The following SOD2 variants were observed in gnomAD, a reference collection of about 807,000 sequenced individuals.
SOD2 encodes superoxide dismutase [Mn], mitochondrial.
In SOD2, 11 loss-of-function variants were observed where a neutral mutation model predicts 27.0. That is an observed-to-expected ratio of 0.41 (90% CI 0.26 to 0.67). The LOEUF (loss-of-function observed/expected upper bound fraction) is 0.67, where lower values mean the gene tolerates loss of function less well. Ranked by LOEUF, SOD2 falls within the 30% of genes least tolerant of loss-of-function variation. The pLI, the probability that SOD2 is intolerant of heterozygous loss-of-function variation, is 0.34. For synonymous variants in SOD2, 105 were observed against 103.0 expected (o/e 1.02, Z -0.12); for missense variants, 250 against 274.5 (o/e 0.91, Z 0.63).
chr6:159,706,192 G>A (rs1490608745), intron 1 of SOD2, among the ~76,000 whole-genome samples: 1 of 152,164 alleles, frequency 6.6e-6, no homozygotes, highest in African/African-American at 2.4e-5. Context: ...ATCGATGCCA[G>A]GAAGAAACTG....
intron 1 of SOD2, chr6:159,736,274 C>T (rs372783310): frequency 1.1e-5 from 18 of 1,601,628 alleles, no homozygotes; most frequent in African/African-American, 4.0e-5. Flanking sequence ...AGATGACCAA[C>T]GAAGAACCTC....
intron 1 of SOD2, chr6:159,726,652 T>C: frequency 1.5e-6 from 1 of 664,030 alleles, no homozygotes; most frequent in Non-Finnish European, 2.2e-6. Context: ...TCACTAAACC[T>C]CACAGGGCCG....
chr6:159,738,095 C>T (rs556605389), intron 1 of SOD2, among the ~76,000 whole-genome samples: 1 of 152,338 alleles, frequency 6.6e-6, no homozygotes, highest in Admixed American at 6.5e-5. Flanking sequence ...TCACGTTATA[C>T]TAGCACTGTT....
chr6:159,701,953 GCTTTTCTCTCA>G (rs1335747472), intron 1 of SOD2, among the ~76,000 whole-genome samples: 2 of 152,150 alleles, frequency 1.3e-5, no homozygotes, highest in Non-Finnish European at 2.9e-5. Context: ...ATACACAGCT[GCTTTTCTCTCA>G]CTTTTTCCTA....
intron 1 of SOD2, among the ~76,000 whole-genome samples, chr6:159,723,680 T>C (rs1489588650): frequency 2.6e-5 from 4 of 151,866 alleles, no homozygotes; most frequent in Non-Finnish European, 5.9e-5. Flanking sequence ...AGAAAACCCC[T>C]CTGTTTGTGG....
chr6:159,744,731 C>T (rs936288988), intron 1 of SOD2, among the ~76,000 whole-genome samples: 4 of 152,158 alleles, frequency 2.6e-5, no homozygotes, highest in Non-Finnish European at 5.9e-5. Flanking sequence ...ACCCCCCCGC[C>T]CTTTTCTTGA....
intron 1 of SOD2, among the ~76,000 whole-genome samples, chr6:159,734,228 C>T (rs1041838194): frequency 1.3e-5 from 2 of 151,816 alleles, no homozygotes; most frequent in South Asian, 2.1e-4. Context: ...TGCCCGGGCT[C>T]GGTTCAAACT....
At chr6:159,723,294 C>A (rs1431651536) in intron 1 of SOD2, among the ~76,000 whole-genome samples, 3 of 152,208 alleles carry the variant, frequency 2.0e-5, no homozygotes, top group Non-Finnish European at 4.4e-5. Context: ...TTCCATCACC[C>A]CCAAAAGTTC....
intron 1 of SOD2, among the ~76,000 whole-genome samples, chr6:159,741,176 C>G (rs1466651448): frequency 6.6e-6 from 1 of 151,954 alleles, no homozygotes; most frequent in Non-Finnish European, 1.5e-5. Context: ...CCTAATAAGA[C>G]TAGGAAAAAT....
chr6:159,693,605 G>A (rs952023354), upstream of SOD2, among the ~76,000 whole-genome samples: 2 of 152,204 alleles, frequency 1.3e-5, no homozygotes, highest in African/African-American at 4.8e-5. Context: ...GCGGGGATCT[G>A]GCTGCACTAG....
chr6:159,753,809 C>T (rs1449365578), intron 1 of SOD2, among the ~76,000 whole-genome samples: 1 of 147,424 alleles, frequency 6.8e-6, no homozygotes, highest in African/African-American at 2.7e-5. Context: ...TATCCCCACC[C>T]TCCTAATTCT....
chr6:159,746,994 T>C (rs1282185887), upstream of SOD2, among the ~76,000 whole-genome samples: 1 of 152,214 alleles, frequency 6.6e-6, no homozygotes, highest in Non-Finnish European at 1.5e-5. Flanking sequence ...CGCTCTGTTA[T>C]CTTAGCAGCT....
chr6:159,741,920 C>T (rs938978699), intron 1 of SOD2: 3 of 533,750 alleles, frequency 5.6e-6, no homozygotes, highest in East Asian at 7.2e-5. Context: ...ACGCTGCACT[C>T]CAGCCTGGGG....
chr6:159,708,865 ATAC>A (rs1299123858), intron 1 of SOD2, among the ~76,000 whole-genome samples: 1 of 152,250 alleles, frequency 6.6e-6, no homozygotes, highest in Non-Finnish European at 1.5e-5. Flanking sequence ...ACTTCAAACT[ATAC>A]TACAAGACTA....
exon 1 of SOD2, chr6:159,727,176 G>A: frequency 1.7e-6 from 2 of 1,206,130 alleles, no homozygotes. Flanking sequence ...CAGGCTCCTG[G>A]GAAAGGACGG....
chr6:159,714,246 A>G (rs1423996806), intron 1 of SOD2, among the ~76,000 whole-genome samples: 1 of 152,174 alleles, frequency 6.6e-6, no homozygotes, highest in Non-Finnish European at 1.5e-5. Flanking sequence ...TCGGGTTGTG[A>G]GGACCAAAGA....
intron 1 of SOD2, chr6:159,743,574 A>T (rs1779388949): frequency 1.6e-6 from 2 of 1,240,024 alleles, no homozygotes; most frequent in Non-Finnish European, 2.2e-6. Flanking sequence ...AGACTTGATT[A>T]ATTTTTTGAC....
In SOD2 at chr6:159,677,650, C is replaced by G. The variant is rs545041307; in HGVS notation, c.*4843G>C. 1 of 152,278 alleles carries G rather than the reference C, an allele frequency of 6.6e-6. No homozygotes were observed. The highest frequency in any genetic ancestry group is 2.1e-4 in the South Asian group (1 of 4,826). The allele number at this position is 152,278 out of a possible 1,614,324, so 9.4% of individuals were successfully genotyped here. Reference sequence around the variant, plus strand: ...TTACAAGAACTTTAAGAGACAGGGTCTCACACTGTCACCCAGGCTGGAGTG... The same window carrying G: ...TTACAAGAACTTTAAGAGACAGGGTGTCACACTGTCACCCAGGCTGGAGTG... On this transcript the variant is annotated 3_prime_UTR_variant, in exon 5 of 5. Transcript: ENST00000538183.
upstream of SOD2, chr6:159,727,374 T>TGGCAGGAGGCGGGAGGGGGGA: frequency 9.7e-7 from 1 of 1,032,510 alleles, no homozygotes; most frequent in South Asian, 1.6e-5. Flanking sequence ...GCGGGGAGGC[T>TGGCAGGAGGCGGGAGGGGGGA]GGCGGGAGGC....
Sources: allele counts gnomAD v4.1 joint callset (sites outside exome capture counted in the v4.1 genomes callset), GRCh38; gene constraint gnomAD v4.1.1; transcripts MANE v1.5; gene names NCBI Gene and HGNC (gene_info 2026-07-23, HGNC 2026-07-21).